The following SWT1 variants were observed in gnomAD, a reference collection of about 807,000 sequenced individuals.
The protein encoded by SWT1 is SWT1 RNA endoribonuclease homolog.
SWT1 carries 33 observed loss-of-function variants against 107.3 expected under a neutral mutation model. That is an observed-to-expected ratio of 0.31 (90% CI 0.23 to 0.41). The LOEUF (loss-of-function observed/expected upper bound fraction) is 0.41. Ranked by LOEUF, SWT1 falls within the 10% of genes least tolerant of loss-of-function variation. SWT1 has a pLI of 1.00. For synonymous variants in SWT1, 345 were observed against 348.3 expected, an observed-to-expected ratio of 0.99 and a Z score of 0.11; for missense variants, 898 against 1,028.9, an observed-to-expected ratio of 0.87 and a Z score of 1.74.
intron 10 of SWT1, among the ~76,000 whole-genome samples, chr1:185,196,180 G>A (rs551280375): frequency 2.0e-5 from 3 of 152,302 alleles, no homozygotes; most frequent in Non-Finnish European, 4.4e-5. Flanking sequence ...TAAGGTGTAA[G>A]GAAGGGTTCC....
chr1:185,222,625 C>T (rs1338305203), intron 15 of SWT1, among the ~76,000 whole-genome samples: 2 of 151,700 alleles, frequency 1.3e-5, no homozygotes, highest in Non-Finnish European at 2.9e-5. Context: ...ATAAGCCGGG[C>T]GTGATGGCGT....
intron 15 of SWT1, among the ~76,000 whole-genome samples, chr1:185,228,047 T>C (rs962841257): frequency 6.6e-6 from 1 of 151,568 alleles, no homozygotes; most frequent in Admixed American, 6.6e-5. Context: ...GCTGTAATTA[T>C]GCCATTGCAC....
intron 9 of SWT1, among the ~76,000 whole-genome samples, chr1:185,185,895 T>C (rs952467292): frequency 3.9e-5 from 6 of 152,170 alleles, no homozygotes; most frequent in African/African-American, 7.2e-5. Context: ...TGAGTGAAGA[T>C]GGTCCATGTC....
In SWT1 at chr1:185,186,181, C is replaced by T. The variant is rs559551486; in HGVS notation, c.1429+1250C>T. Reference sequence around the variant, plus strand: ...ATGGTTCAGAATAGGCAGTAATTCTCTTGTGTCCTCATTATATGAAAAGCT... The same window carrying T: ...ATGGTTCAGAATAGGCAGTAATTCTTTTGTGTCCTCATTATATGAAAAGCT... On this transcript the variant is annotated intron_variant, in intron 9 of 18. Transcript: ENST00000367500. Among the ~76,000 whole-genome samples, 4 of 152,178 alleles carry T rather than the reference C, an allele frequency of 2.6e-5. No individual in the cohort carries two copies. In the South Asian group the frequency reaches 8.3e-4, roughly 32 times the overall value.
chr1:185,222,290 T>G (rs939849810), intron 15 of SWT1, among the ~76,000 whole-genome samples: 25 of 152,150 alleles, frequency 1.6e-4, no homozygotes, highest in African/African-American at 6.0e-4. Flanking sequence ...ATAACGTTCT[T>G]TTTTATGGAT....
chr1:185,213,276 A>G (rs1207085625), intron 13 of SWT1, among the ~76,000 whole-genome samples: 3 of 152,234 alleles, frequency 2.0e-5, no homozygotes, highest in East Asian at 1.9e-4. Flanking sequence ...CATCACATCT[A>G]CAGTCTGTCC....
At chr1:185,175,437 G>A (rs1456400075) in intron 5 of SWT1, among the ~76,000 whole-genome samples, 1 of 152,080 alleles carries the variant, frequency 6.6e-6, no homozygotes, top group East Asian at 1.9e-4. Context: ...ATGTTGCTTA[G>A]GCTGGTCTTG....
At chr1:185,183,404 C>T (rs571162197) in intron 7 of SWT1, among the ~76,000 whole-genome samples, 55 of 152,084 alleles carry the variant, frequency 3.6e-4, no homozygotes, top group African/African-American at 1.3e-3. Flanking sequence ...AATTCTCCTG[C>T]CTCAGCCTCC....
chr1:185,178,702 G>T (rs1386232510), intron 5 of SWT1, among the ~76,000 whole-genome samples: 4 of 152,122 alleles, frequency 2.6e-5, no homozygotes, highest in Admixed American at 2.0e-4. Context: ...AATGTCAAAA[G>T]CCACAAGTTC....
At chr1:185,254,756 G>A (rs1163597901) in intron 16 of SWT1, among the ~76,000 whole-genome samples, 2 of 150,286 alleles carry the variant, frequency 1.3e-5, no homozygotes, top group Middle Eastern at 3.2e-3. Context: ...ATTTTTTGAA[G>A]GGTTTTTTGT....
chr1:185,161,139 A>G lies in SWT1; in HGVS notation c.84+214A>G, dbSNP rs555117893. On this transcript the variant is annotated intron_variant, in intron 2 of 18. Coordinates refer to ENST00000367500, the MANE Select transcript of SWT1 (RefSeq NM_017673.7). ...GGGTACTATTATTCCAATTACACAG[A>G]TGAAGAAACTGAGGCTTAGAGAGTA... 7.4e-4 allele frequency among the ~76,000 whole-genome samples: 112 copies of G among 152,296 alleles called. No individual in the cohort carries two copies. Among genetic ancestry groups the G allele is most frequent in the Non-Finnish European group, 1.2e-3 (85 of 68,026 alleles).
chr1:185,196,621 G>A (rs1018782874), intron 10 of SWT1, among the ~76,000 whole-genome samples: 15 of 152,186 alleles, frequency 9.9e-5, no homozygotes, highest in African/African-American at 3.6e-4. Flanking sequence ...CCATGGGCAT[G>A]GAATGTTTTT....
intron 16 of SWT1, among the ~76,000 whole-genome samples, chr1:185,268,458 G>A (rs990405558): frequency 6.6e-6 from 1 of 152,134 alleles, no homozygotes; most frequent in African/African-American, 2.4e-5. Flanking sequence ...CCTGTGCCTG[G>A]TCAGGATTTG....
chr1:185,193,499 C>T (rs1657125610), intron 10 of SWT1, among the ~76,000 whole-genome samples: 1 of 150,072 alleles, frequency 6.7e-6, no homozygotes, highest in African/African-American at 2.5e-5. Flanking sequence ...TGGAGTCTCA[C>T]TTGGTCGCCC....
intron 17 of SWT1, among the ~76,000 whole-genome samples, chr1:185,271,764 G>A (rs1234045895): frequency 6.6e-6 from 1 of 152,106 alleles, no homozygotes; most frequent in East Asian, 1.9e-4. Flanking sequence ...ACTTCATATT[G>A]TATGATCTCT....
At chr1:185,160,707 AAAAT>A in intron 1 of SWT1, 122 bp from the exon 2 acceptor site, 4 of 681,274 alleles carry the variant, frequency 5.9e-6, no homozygotes, top group South Asian at 2.1e-5. Flanking sequence ...ATCTCAAAAA[AAAAT>A]AAAATAAAAT....
chr1:185,175,173 G>GT (rs916694328), intron 5 of SWT1, 60 bp downstream of exon 5: 26 of 1,076,222 alleles, frequency 2.4e-5, no homozygotes, highest in Admixed American at 3.3e-5. Context: ...ATATAGTTAA[G>GT]TTTTTTCTGT....
chr1:185,246,699 A>G (rs929771713), intron 16 of SWT1, among the ~76,000 whole-genome samples: 4 of 141,818 alleles, frequency 2.8e-5, no homozygotes, highest in Non-Finnish European at 3.0e-5. Flanking sequence ...GTATGATCAT[A>G]GCTCACTGCA....
chr1:185,210,499 A>G (rs1193479472), intron 13 of SWT1, among the ~76,000 whole-genome samples: 1 of 152,142 alleles, frequency 6.6e-6, no homozygotes, highest in Non-Finnish European at 1.5e-5. Flanking sequence ...CTTCAAGCTA[A>G]AAACTCTCAA....
Sources: allele counts gnomAD v4.1 joint callset (sites outside exome capture counted in the v4.1 genomes callset), GRCh38; gene constraint gnomAD v4.1.1; transcripts MANE v1.5; gene names NCBI Gene and HGNC (gene_info 2026-07-23, HGNC 2026-07-21).